The following CTNNA3 variants were observed in gnomAD, a reference collection of about 807,000 sequenced individuals.
The protein encoded by CTNNA3 is catenin alpha 3, also known as catenin alpha-3.
In CTNNA3, 76 loss-of-function variants were observed where a neutral mutation model predicts 95.7. That is an observed-to-expected ratio of 0.79 (90% confidence interval 0.66 to 0.96). The LOEUF is 0.96. CTNNA3 is among the 40% of genes least tolerant of loss of function. CTNNA3 has a pLI of 0.00. For synonymous variants in CTNNA3, 431 were observed against 374.4 expected, an observed-to-expected ratio of 1.15 and a Z score of -1.74; for missense variants, 1,191 against 1,089.8, an observed-to-expected ratio of 1.09 and a Z score of -1.31.
At chr10:66,625,821 T>C (rs1844914875) in intron 9 of CTNNA3, among the ~76,000 whole-genome samples, 1 of 152,136 alleles carries the variant, frequency 6.6e-6, no homozygotes, top group Admixed American at 6.6e-5. Context: ...AGGTGAGAAA[T>C]TCCCTGTTGT....
intron 9 of CTNNA3, among the ~76,000 whole-genome samples, chr10:66,702,426 C>A (rs935575870): frequency 2.6e-5 from 4 of 151,896 alleles, no homozygotes; most frequent in Non-Finnish European, 1.5e-5. Flanking sequence ...GCCTCATTAA[C>A]AATGGTTTTT....
intron 5 of CTNNA3, among the ~76,000 whole-genome samples, chr10:67,419,435 A>G (rs548503070): frequency 1.8e-4 from 27 of 151,582 alleles, no homozygotes; most frequent in South Asian, 1.5e-3. Flanking sequence ...CATGATGTTG[A>G]GGTTTGGAGC....
At chr10:66,658,658 C>G (rs1361547166) in intron 9 of CTNNA3, among the ~76,000 whole-genome samples, 1 of 152,102 alleles carries the variant, frequency 6.6e-6, no homozygotes, top group Non-Finnish European at 1.5e-5. Flanking sequence ...TGGAAGGTAG[C>G]CTGATCATCT....
chr10:66,904,160 G>A (rs1845883226), intron 7 of CTNNA3, among the ~76,000 whole-genome samples: 1 of 152,130 alleles, frequency 6.6e-6, no homozygotes, highest in South Asian at 2.1e-4. Flanking sequence ...CATGGTACTG[G>A]TACCAAAACA....
chr10:67,755,899 A>G (rs1841430685), intron 1 of CTNNA3, among the ~76,000 whole-genome samples: 1 of 152,158 alleles, frequency 6.6e-6, no homozygotes, highest in Non-Finnish European at 1.5e-5. Flanking sequence ...ACTATTCACG[A>G]TAGCCAAAAT....
At chr10:66,586,172 C>A (rs957647105) in intron 10 of CTNNA3, among the ~76,000 whole-genome samples, 10 of 152,020 alleles carry the variant, frequency 6.6e-5, no homozygotes, top group African/African-American at 2.2e-4. Context: ...TATTTTGTTC[C>A]CCAGTGGTGT....
chr10:66,160,248 A>G (rs1240131451), intron 13 of CTNNA3, among the ~76,000 whole-genome samples: 1 of 151,596 alleles, frequency 6.6e-6, no homozygotes, highest in Admixed American at 6.6e-5. Flanking sequence ...TTGTTTCTCT[A>G]GTTCCTTGAG....
At chr10:65,981,833 T>TA (rs953153428) in intron 16 of CTNNA3, among the ~76,000 whole-genome samples, 8 of 151,832 alleles carry the variant, frequency 5.3e-5, no homozygotes, top group African/African-American at 1.9e-4. Context: ...TCTCACCCTA[T>TA]AAAAAAATCA....
intron 17 of CTNNA3, among the ~76,000 whole-genome samples, chr10:65,962,566 TTTTA>T (rs768483013): frequency 2.0e-4 from 31 of 152,158 alleles, no homozygotes; most frequent in Non-Finnish European, 3.8e-4. Context: ...CTAATTTTTT[TTTTA>T]TTATACTTTA....
intron 7 of CTNNA3, among the ~76,000 whole-genome samples, chr10:67,100,850 T>G (rs1040692370): frequency 6.6e-6 from 1 of 151,714 alleles, no homozygotes; most frequent in African/African-American, 2.4e-5. Flanking sequence ...ATTGGTGCAG[T>G]TGAATTATTC....
intron 10 of CTNNA3, among the ~76,000 whole-genome samples, chr10:66,547,594 G>A (rs1027124405): frequency 4.0e-5 from 6 of 151,304 alleles, no homozygotes; most frequent in Admixed American, 1.3e-4. Context: ...CACCCTCCTC[G>A]GCCTCCCAAA....
At chr10:66,771,492 G>T (rs1840084998) in intron 8 of CTNNA3, among the ~76,000 whole-genome samples, 1 of 152,058 alleles carries the variant, frequency 6.6e-6, no homozygotes, top group African/African-American at 2.4e-5. Context: ...AAATAATAAA[G>T]AAAATAATAC....
At chr10:66,727,758 C>G (rs1032641672) in intron 9 of CTNNA3, among the ~76,000 whole-genome samples, 2 of 151,956 alleles carry the variant, frequency 1.3e-5, no homozygotes, top group African/African-American at 4.8e-5. Flanking sequence ...ATTTACAGTA[C>G]GTTAGAAAAT....
At chr10:66,275,352 A>G (rs910107072) in intron 13 of CTNNA3, among the ~76,000 whole-genome samples, 1 of 152,192 alleles carries the variant, frequency 6.6e-6, no homozygotes, top group African/African-American at 2.4e-5. Context: ...TCCTGAGCTC[A>G]GGCAATCCGC....
At chr10:66,900,616 A>G (rs1845700616) in intron 7 of CTNNA3, among the ~76,000 whole-genome samples, 1 of 151,646 alleles carries the variant, frequency 6.6e-6, no homozygotes, top group Admixed American at 6.6e-5. Context: ...GAAGGATTAG[A>G]AAAAAAACCT....
chr10:66,499,507 T>G, intron 11 of CTNNA3, among the ~76,000 whole-genome samples: 1 of 152,174 alleles, frequency 6.6e-6, no homozygotes, highest in East Asian at 1.9e-4. Flanking sequence ...AAACAATTTT[T>G]TTTTGACACA....
intron 7 of CTNNA3, among the ~76,000 whole-genome samples, chr10:67,108,027 G>A (rs1247259227): frequency 6.6e-6 from 1 of 152,092 alleles, no homozygotes; most frequent in African/African-American, 2.4e-5. Context: ...CCTGGCCATG[G>A]GACAAGAGGC....
At chr10:67,153,578 C>T (rs1325468316) in intron 7 of CTNNA3, among the ~76,000 whole-genome samples, 1 of 152,134 alleles carries the variant, frequency 6.6e-6, no homozygotes, top group Non-Finnish European at 1.5e-5. Flanking sequence ...CAGAGTTCTC[C>T]GACAGCAGCG....
chr10:66,984,053 G>A (rs1850594050), intron 7 of CTNNA3, among the ~76,000 whole-genome samples: 1 of 152,136 alleles, frequency 6.6e-6, no homozygotes, highest in African/African-American at 2.4e-5. Flanking sequence ...ACATTATGAA[G>A]TCTCATCTGT....
Sources: allele counts gnomAD v4.1 joint callset (sites outside exome capture counted in the v4.1 genomes callset), GRCh38; gene constraint gnomAD v4.1.1; transcripts MANE v1.5; gene names NCBI Gene and HGNC (gene_info 2026-07-23, HGNC 2026-07-21).